The following SARDH variants were observed in gnomAD, a reference collection of about 807,000 sequenced individuals.
SARDH encodes the protein sarcosine dehydrogenase.
Under a neutral mutation model 109.1 loss-of-function variants are expected in SARDH, and 95 were observed. The ratio of observed to expected loss-of-function variants is 0.87; its 90% confidence interval spans 0.74 to 1.03. The LOEUF is 1.03. Ranked by LOEUF, SARDH falls within the 50% of genes least tolerant of loss-of-function variation. SARDH has a pLI of 0.00. For missense variants in SARDH, 1,267 were observed against 1,287.8 expected, an observed-to-expected ratio of 0.98 and a Z score of 0.25; for synonymous variants, 572 against 534.8, an observed-to-expected ratio of 1.07 and a Z score of -0.96.
At chr9:133,690,887 C>G (rs868211263) in intron 15 of SARDH, among the ~76,000 whole-genome samples, 1 of 152,162 alleles carries the variant, frequency 6.6e-6, no homozygotes, top group Non-Finnish European at 1.5e-5. Flanking sequence ...TGCTTCTCAC[C>G]TCTCTGAGCC....
At chr9:133,675,189 T>A (rs1235323368) in intron 17 of SARDH, among the ~76,000 whole-genome samples, 2 of 151,748 alleles carry the variant, frequency 1.3e-5, no homozygotes, top group Non-Finnish European at 2.9e-5. Flanking sequence ...ATTAAAAATA[T>A]TTAAAAAAAA....
chr9:133,690,624 T>C (rs1831058145), intron 15 of SARDH, 97 bp from the exon 16 acceptor site: 1 of 1,414,192 alleles, frequency 7.1e-7, no homozygotes, highest in Non-Finnish European at 9.7e-7. Context: ...AGAAAACAAA[T>C]GCCCTCTCAG....
chr9:133,716,526 TG>T (rs1832128069), intron 8 of SARDH, among the ~76,000 whole-genome samples: 1 of 151,992 alleles, frequency 6.6e-6, no homozygotes, highest in South Asian at 2.1e-4. Context: ...ACCCGCCCCC[TG>T]GGGCAGAGCC....
At chr9:133,703,920 C>T (rs867200222) in intron 12 of SARDH, among the ~76,000 whole-genome samples, 6 of 152,156 alleles carry the variant, frequency 3.9e-5, no homozygotes, top group African/African-American at 7.2e-5. Context: ...GGCTGGCTCC[C>T]GGGTGGGGGT....
chr9:133,670,533 C>T, intron 19 of SARDH, 51 bp downstream of exon 19: 1 of 1,535,942 alleles, frequency 6.5e-7, no homozygotes, highest in Non-Finnish European at 8.8e-7. Flanking sequence ...CCTGCCTGCC[C>T]TGGCTGTAGG....
In SARDH at chr9:133,732,468, G is replaced by A. The variant is rs747350635; in HGVS notation, c.465C>T (p.Ile155=). 2 of 1,607,802 alleles carry A rather than the reference G, an allele frequency of 1.2e-6. No individual in the cohort carries two copies. Among genetic ancestry groups the A allele is most frequent in the Admixed American group, 1.7e-5 (1 of 59,690 alleles). ...TGWIQNGGLF[I]ASNRQRLDEY... ...CGTCCAGGCGCTGCCGGTTGGACGC[G>A]ATGAAGAGGCCCCCATTCTGGATCC... Residue 155 remains isoleucine, a synonymous_variant, in exon 3 of 21, where the codon ATC becomes ATT. Transcript: ENST00000439388.
Position 133,733,835 on chromosome 9 carries a change from G to C in SARDH, c.331+8C>G. The C allele has an allele frequency of 6.9e-7, 1 of 1,452,532 alleles. No homozygotes were observed. Among genetic ancestry groups the C allele is most frequent in the Non-Finnish European group, 9.1e-7 (1 of 1,100,086 alleles). The allele number at this position is 1,452,532 out of a possible 1,614,324, so 90.0% of individuals were successfully genotyped here. A position where few individuals can be genotyped will look rare whatever the true frequency, so the allele number is the denominator to read the frequency against. On this transcript the variant is annotated splice_region_variant and intron_variant, in intron 2 of 20. Transcript: ENST00000439388. ...CTTCCCTGCCCCTACCTGGCCCCCG[G>C]TCCCTACCTGCCGTGTGCCAGGTGG...
intron 6 of SARDH, chr9:133,725,666 ACT>A (rs1176389832): frequency 1.3e-5 from 3 of 235,028 alleles, no homozygotes; most frequent in Non-Finnish European, 2.6e-5. Context: ...ACAAAGTGAA[ACT>A]CTGTCTCAAA....
intron 17 of SARDH, among the ~76,000 whole-genome samples, chr9:133,678,631 G>A (rs147274151): frequency 3.9e-5 from 6 of 152,244 alleles, no homozygotes; most frequent in South Asian, 4.1e-4. Flanking sequence ...AGCACTGCAC[G>A]GAGAGGCCAA....
At position 133,664,161 on chromosome 9, in the gene SARDH, C is replaced by T. The variant is rs548340097; in HGVS notation, c.2632-147G>A. 321 of 1,082,656 alleles carry T rather than the reference C, an allele frequency of 3.0e-4. 4 individuals are homozygous for T. The South Asian group carries it at 3.0e-3, about 10-fold the overall frequency. 67.1% of individuals were successfully genotyped at this position (1,082,656 alleles called of 1,614,324 possible). ...TGTGCCAGGGACTCCTTTCTGAACC[C>T]AGGCATTGCCCCAGAGCAGGTGCAG... is the stretch of plus-strand genomic sequence containing the variant. On this transcript the variant is annotated intron_variant, in intron 20 of 20. Coordinates refer to ENST00000439388, the MANE Select transcript of SARDH (RefSeq NM_001134707.2).
rs114433386 is a variant in SARDH at position 133,708,558 on chromosome 9, G to T, written c.1329-130C>A. 3.4e-3 allele frequency: 4,215 copies of T among 1,232,346 alleles called. 7 individuals are homozygous for T. Among genetic ancestry groups the T allele is most frequent in the Non-Finnish European group, 4.2e-3 (3,844 of 913,234 alleles). 76.3% of individuals were successfully genotyped at this position (1,232,346 alleles called of 1,614,324 possible). ...TCCCCTTTGTGGCTCAGCATTGAGC[G>T]GGCCCCTGACTCTCCATTCGCCCCA... is the stretch of plus-strand genomic sequence containing the variant. On this transcript the variant is annotated intron_variant, in intron 10 of 20. Transcript: ENST00000439388.
Position 133,702,926 on chromosome 9 carries a change from T to C in SARDH, c.1658A>G (p.His553Arg). ...ACCCCAGCTACGCACCGTGTCGTGGTGGGGCGGGAAGGCGAAGGTGTACTC... is the reference window on the plus strand; with the variant it reads ...ACCCCAGCTACGCACCGTGTCGTGGCGGGGCGGGAAGGCGAAGGTGTACTC... ...ADEYTFAFPP[H>R]HDTIKKECLA... The change falls in exon 13 of 21, where the codon CAC becomes CGC. Residue 553 changes from histidine to arginine, a missense_variant. Transcript: ENST00000439388. The C allele has an allele frequency of 6.2e-7, 1 of 1,612,052 alleles. No homozygotes were observed. Among genetic ancestry groups the C allele is most frequent in the Non-Finnish European group, 8.5e-7 (1 of 1,179,864 alleles).
rs1414897519 is a variant in SARDH, at chr9:133,683,721, G to A, written c.2163+1472C>T. ...GGCCGCCTCCTCCCTGACAGTCATC[G>A]CCAGATTGTTTATCTGCTAACAGAA... On this transcript the variant is annotated intron_variant, in intron 17 of 20. Coordinates refer to ENST00000439388, the MANE Select transcript of SARDH (RefSeq NM_001134707.2). 4.6e-5 allele frequency among the ~76,000 whole-genome samples: 7 copies of A among 152,290 alleles called. 1 individual carries two copies. In the South Asian group the frequency reaches 8.3e-4, roughly 18 times the overall value.
chr9:133,716,339 G>T (rs764406516), intron 8 of SARDH, among the ~76,000 whole-genome samples: 32 of 152,264 alleles, frequency 2.1e-4, no homozygotes, highest in Non-Finnish European at 4.4e-4. Flanking sequence ...CCTCATGAAG[G>T]AATGCTGGTG....
Position 133,713,074 on chromosome 9 carries a change from GGA to G in SARDH, c.1199_1200del (p.Leu400ProfsTer41). 1 of 1,613,284 alleles carries G rather than the reference GGA, an allele frequency of 6.2e-7. No homozygotes were observed. The highest frequency in any genetic ancestry group is 8.5e-7 in the Non-Finnish European group (1 of 1,179,902). On this transcript the variant is annotated frameshift_variant, in exon 9 of 21. Coordinates refer to ENST00000439388, the MANE Select transcript of SARDH (RefSeq NM_001134707.2). LOFTEE classifies it high-confidence loss of function. ...HKPLMGEAPE[L>X]RGFFLGCGFN... ...AAGCCACAGCCCAGGAAGAACCCTC[GGA>G]GCTCAGGTGCCTCCCCCATCAGGGG... is the stretch of plus-strand genomic sequence containing the variant.
chr9:133,726,530 C>A (rs1169197576), intron 6 of SARDH, among the ~76,000 whole-genome samples: 1 of 152,052 alleles, frequency 6.6e-6, no homozygotes, highest in African/African-American at 2.4e-5. Context: ...ATGTTTGTCC[C>A]AGCAGGATCC....
At position 133,690,370 on chromosome 9, in the gene SARDH, CCT is replaced by C. The variant is rs1831046717; in HGVS notation, c.2069+8_2069+9del. The C allele has an allele frequency of 6.2e-7, 1 of 1,603,368 alleles. No homozygotes were observed. The highest frequency in any genetic ancestry group is 1.3e-5 in the African/African-American group (1 of 74,814). On this transcript the variant is annotated splice_region_variant and intron_variant, in intron 16 of 20. Coordinates refer to ENST00000439388, the MANE Select transcript of SARDH (RefSeq NM_001134707.2). ...GTGCACCCAGGGGCGGGCTCCCAGT[CCT>C]CTCTCACCTGGCTGGGCCCTGGATA... is the stretch of plus-strand genomic sequence containing the variant.
chr9:133,711,485 G>A (rs1831916773), intron 10 of SARDH, among the ~76,000 whole-genome samples: 2 of 152,238 alleles, frequency 1.3e-5, no homozygotes, highest in Non-Finnish European at 1.5e-5. Context: ...TCGCTTGGGA[G>A]AGTGCAGGGG....
intron 8 of SARDH, 61 bp from the exon 9 acceptor site, chr9:133,713,185 G>GTC: frequency 1.4e-6 from 2 of 1,442,544 alleles, no homozygotes; most frequent in Non-Finnish European, 1.9e-6. Flanking sequence ...TTGGGGTGAG[G>GTC]TCTTCCAAGA....
Sources: allele counts gnomAD v4.1 joint callset (sites outside exome capture counted in the v4.1 genomes callset), GRCh38; gene constraint gnomAD v4.1.1; transcripts MANE v1.5; gene names NCBI Gene and HGNC (gene_info 2026-07-23, HGNC 2026-07-21).